Variants in SYNE2 observed in about 807,000 individuals in gnomAD.
The protein encoded by SYNE2 is nesprin-2.
SYNE2 carries 431 observed loss-of-function variants against 856.3 expected under a neutral mutation model. The observed-to-expected ratio is 0.50, with a 90% CI of 0.47 to 0.55. The LOEUF (loss-of-function observed/expected upper bound fraction) is 0.55. SYNE2 is among the 20% of genes least tolerant of loss of function. The probability of loss-of-function intolerance (pLI) is 0.00; values close to 1 mark genes in which losing one functional copy is unlikely to be tolerated. For missense variants in SYNE2, 8,129 were observed against 8,023.2 expected (o/e 1.01, Z -0.50); for synonymous variants, 2,923 against 2,872.3 (o/e 1.02, Z -0.56).
intron 104 of SYNE2, among the ~76,000 whole-genome samples, chr14:64,212,484 T>C (rs1270797635): frequency 1.3e-5 from 2 of 152,250 alleles, no homozygotes; most frequent in Non-Finnish European, 2.9e-5. Flanking sequence ...CATTCGTGGC[T>C]TATTATGGGA....
chr14:64,211,116 G>C (rs1311469010), intron 103 of SYNE2, among the ~76,000 whole-genome samples: 1 of 152,066 alleles, frequency 6.6e-6, no homozygotes, highest in Non-Finnish European at 1.5e-5. Flanking sequence ...TGAGTAACTA[G>C]GATTACCGGC....
Position 64,143,778 on chromosome 14 carries a change from A to T in SYNE2, c.15313A>T (p.Arg5105Ter). 6.2e-7 allele frequency: 1 copy of T among 1,614,220 alleles called. No individual in the cohort carries two copies. The highest frequency in any genetic ancestry group is 8.5e-7 in the Non-Finnish European group (1 of 1,180,020). ...TTAACTTTGCTTATTTTAGGAGTTTAGAATGGAAATGGACTATAAACAGTG... is the reference window on the plus strand; with the variant it reads ...TTAACTTTGCTTATTTTAGGAGTTTTGAATGGAAATGGACTATAAACAGTG... Reference protein sequence around the residue: ...KHLLQKHKEFRMEMDYKQWIV... With the variant: ...KHLLQKHKEF Residue 5105 changes from arginine (R) to a stop codon, truncating the protein, a stop_gained, in exon 83 of 116, where the codon AGA becomes TGA. Transcript: ENST00000555002. LOFTEE classifies it high-confidence loss of function.
intron 1 of SYNE2, among the ~76,000 whole-genome samples, chr14:63,835,118 G>A (rs1356328632): frequency 6.6e-6 from 1 of 152,166 alleles, no homozygotes; most frequent in African/African-American, 2.4e-5. Context: ...AGGTGCTAAA[G>A]ATGCATCCAT....
chr14:63,897,723 G>A (rs1187228052), intron 1 of SYNE2, among the ~76,000 whole-genome samples: 2 of 152,084 alleles, frequency 1.3e-5, no homozygotes, highest in East Asian at 1.9e-4. Context: ...TGGTTGGTTG[G>A]TTTGTGTTCT....
At chr14:64,209,134 C>A in intron 101 of SYNE2, 189 bp downstream of exon 101, 1 of 906,566 alleles carries the variant, frequency 1.1e-6, no homozygotes, top group Non-Finnish European at 1.7e-6. Context: ...CTCTCCCCAG[C>A]TGTCCTGTGT....
intron 1 of SYNE2, among the ~76,000 whole-genome samples, chr14:63,865,563 T>G (rs1263383859): frequency 6.6e-6 from 1 of 151,816 alleles, no homozygotes; most frequent in Non-Finnish European, 1.5e-5. Flanking sequence ...TTTGTATTTT[T>G]AGTAGAGATG....
chr14:63,940,520 C>A, intron 2 of SYNE2, 94 bp from the exon 3 acceptor site: 1 of 1,133,700 alleles, frequency 8.8e-7, no homozygotes, highest in Non-Finnish European at 1.3e-6. Context: ...GAAACAGGCA[C>A]ACACCTAGCG....
chr14:64,000,672 C>T lies in SYNE2; in HGVS notation c.3591C>T (p.Asp1197=), dbSNP rs768053926. 2 of 1,613,290 alleles carry T rather than the reference C, an allele frequency of 1.2e-6. No individual in the cohort carries two copies. Among genetic ancestry groups the T allele is most frequent in the Non-Finnish European group, 1.7e-6 (2 of 1,179,704 alleles). Reference sequence around the variant, plus strand: ...AGCCTTTTGTAATTAAGGAAAGAGACACACTAAAGGAAAGAGAAAGAGAGC... The same window carrying T: ...AGCCTTTTGTAATTAAGGAAAGAGATACACTAAAGGAAAGAGAAAGAGAGC... ...IKKPFVIKER[D]TLKERERELQ... The change falls in exon 28 of 116, where the codon GAC becomes GAT. Residue 1197 remains aspartate, a synonymous_variant. Transcript: ENST00000555002.
intron 30 of SYNE2, 95 bp downstream of exon 30, chr14:64,003,425 G>C: frequency 2.7e-6 from 4 of 1,470,462 alleles, no homozygotes; most frequent in Non-Finnish European, 3.8e-6. Flanking sequence ...ATGTCTTTCT[G>C]CTTCTATTCC....
chr14:64,211,252 G>A (rs543166018), intron 103 of SYNE2, among the ~76,000 whole-genome samples: 4 of 152,272 alleles, frequency 2.6e-5, no homozygotes, highest in East Asian at 1.9e-4. Flanking sequence ...TGCTGGGATC[G>A]TGGGTGTGAG....
chr14:64,134,479 G>A (rs528985708), intron 78 of SYNE2, among the ~76,000 whole-genome samples: 3 of 152,182 alleles, frequency 2.0e-5, no homozygotes, highest in African/African-American at 7.2e-5. Context: ...TTCTTTATCT[G>A]TGGAATGCAG....
At chr14:63,898,943 C>T (rs2095298096) in intron 1 of SYNE2, among the ~76,000 whole-genome samples, 1 of 152,150 alleles carries the variant, frequency 6.6e-6, no homozygotes, top group Non-Finnish European at 1.5e-5. Context: ...TGTTGTGTAA[C>T]CATCACCACC....
At chr14:64,022,569 C>T (rs1398006237) in intron 37 of SYNE2, among the ~76,000 whole-genome samples, 182 bp from the exon 38 acceptor site, 1 of 151,844 alleles carries the variant, frequency 6.6e-6, no homozygotes, top group Non-Finnish European at 1.5e-5. Context: ...GAAAGGTTCA[C>T]CAAATTTATG....
At chr14:63,810,209 T>G (rs1444916028) in intron 1 of SYNE2, among the ~76,000 whole-genome samples, 1 of 141,418 alleles carries the variant, frequency 7.1e-6, no homozygotes, top group Admixed American at 7.3e-5. Flanking sequence ...TGCAACAGAG[T>G]AAGACTCTTT....
intron 6 of SYNE2, among the ~76,000 whole-genome samples, chr14:63,945,230 A>G (rs1023471751): frequency 6.6e-6 from 1 of 151,846 alleles, no homozygotes; most frequent in African/African-American, 2.4e-5. Flanking sequence ...TATAAATGAA[A>G]CACACCCATA....
intron 83 of SYNE2, among the ~76,000 whole-genome samples, chr14:64,144,579 AATAAACAC>A (rs1326941152): frequency 6.6e-6 from 1 of 152,206 alleles, no homozygotes; most frequent in African/African-American, 2.4e-5. Flanking sequence ...AGATACTCAA[AATAAACAC>A]TGTGTAACAT....
intron 1 of SYNE2, among the ~76,000 whole-genome samples, chr14:63,903,881 G>C (rs1442239144): frequency 1.3e-5 from 2 of 150,564 alleles, no homozygotes; most frequent in African/African-American, 4.9e-5. Context: ...TAGATACAGA[G>C]GGCACATGTG....
intron 1 of SYNE2, among the ~76,000 whole-genome samples, chr14:63,762,575 T>C (rs1886526138): frequency 6.8e-6 from 1 of 146,274 alleles, no homozygotes; most frequent in Non-Finnish European, 1.5e-5. Context: ...ATTGTGGTTA[T>C]GTAGGATAAT....
intron 96 of SYNE2, among the ~76,000 whole-genome samples, chr14:64,184,329 G>GGTGGGTGTGT (rs1555532248): frequency 1.4e-5 from 2 of 144,164 alleles, no homozygotes; most frequent in African/African-American, 2.6e-5. Context: ...TATGCATAGG[G>GGTGGGTGTGT]GTGTGTGTGT....
Sources: gnomAD v4.1 joint callset for allele counts (sites outside exome capture counted in the v4.1 genomes callset) on GRCh38, gnomAD v4.1.1 for gene constraint, MANE v1.5 for transcripts, NCBI Gene and HGNC (gene_info 2026-07-23, HGNC 2026-07-21) for gene names.